The following NRP2 variants were observed in gnomAD, a reference collection of about 807,000 sequenced individuals.
NRP2 encodes the protein neuropilin 2, also known as neuropilin-2.
A neutral mutation model predicts 110.4 loss-of-function variants in NRP2; 52 were observed. The observed-to-expected ratio is 0.47, with a 90% CI of 0.38 to 0.59. The LOEUF is 0.59. Among genes scored for constraint, NRP2 ranks in the 20% least tolerant of loss-of-function variants. The pLI, the probability that NRP2 is intolerant of heterozygous loss-of-function variation, is 0.00. For synonymous variants in NRP2, 508 were observed against 468.9 expected, an observed-to-expected ratio of 1.08 and a Z score of -1.08; for missense variants, 1,049 against 1,203.0, an observed-to-expected ratio of 0.87 and a Z score of 1.89.
intron 8 of NRP2, 81 bp downstream of exon 8, chr2:205,740,744 G>T: frequency 8.5e-6 from 13 of 1,525,208 alleles, no homozygotes; most frequent in South Asian, 1.2e-5. Flanking sequence ...CAAACAGCAT[G>T]ACTGCACCAC....
At chr2:205,770,836 G>C (rs2058010602) in intron 15 of NRP2, among the ~76,000 whole-genome samples, 1 of 152,166 alleles carries the variant, frequency 6.6e-6, no homozygotes. Flanking sequence ...ATGGAGATCA[G>C]ATGTGTGAAG....
intron 7 of NRP2, among the ~76,000 whole-genome samples, chr2:205,732,873 CT>C (rs1030895717): frequency 6.6e-6 from 1 of 151,502 alleles, no homozygotes; most frequent in Non-Finnish European, 1.5e-5. Flanking sequence ...CAGGAAAAAC[CT>C]TTTTTTTAAA....
chr2:205,683,432 G>A (rs2056060528), intron 1 of NRP2, 69 bp downstream of exon 1: 2 of 1,120,960 alleles, frequency 1.8e-6, no homozygotes, highest in Non-Finnish European at 1.4e-6. Flanking sequence ...GCTAAAGCAG[G>A]AAGGCCACGC....
At chr2:205,734,388 C>T (rs1044896355) in intron 7 of NRP2, among the ~76,000 whole-genome samples, 1 of 142,760 alleles carries the variant, frequency 7.0e-6, no homozygotes, top group Non-Finnish European at 1.5e-5. Context: ...GCCTTCATAT[C>T]ATTTCCCACC....
In NRP2 at chr2:205,682,748, G is replaced by C. The variant is rs2056042725; in HGVS notation, c.-543G>C. 1 of 158,476 alleles carries C rather than the reference G, an allele frequency of 6.3e-6. No homozygotes were observed. Among genetic ancestry groups the C allele is most frequent in the South Asian group, 1.6e-4 (1 of 6,142 alleles). The allele number at this position is 158,476 out of a possible 1,614,324, so 9.8% of individuals were successfully genotyped here. A position where few individuals can be genotyped will look rare whatever the true frequency, so the allele number is the denominator to read the frequency against. On this transcript the variant is annotated 5_prime_UTR_variant, in exon 1 of 17. Coordinates refer to ENST00000357785, the MANE Select transcript of NRP2 (RefSeq NM_003872.3). The surrounding 1 kb of genome is among the most constrained non-coding windows in gnomAD (Gnocchi z 4.3). ...AGCCGTTGGGGGAGGCTCCCGCCGG[G>C]GGAACCCGGCGAGGACAAGAGCAGG... is the stretch of plus-strand genomic sequence containing the variant.
chr2:205,712,836 A>C (rs1269679586), intron 2 of NRP2, among the ~76,000 whole-genome samples: 1 of 152,192 alleles, frequency 6.6e-6, no homozygotes, highest in Non-Finnish European at 1.5e-5. Flanking sequence ...CCCCTCAAGC[A>C]AACCTTATAG....
At chr2:205,756,779 T>C (rs1028006300) in intron 12 of NRP2, 2 of 152,206 alleles carry the variant, frequency 1.3e-5, no homozygotes, top group Non-Finnish European at 2.9e-5. Context: ...GTGGGATCCC[T>C]TGATGGAGTG....
chr2:205,687,237 T>C (rs747256543), intron 1 of NRP2, among the ~76,000 whole-genome samples: 16 of 152,152 alleles, frequency 1.1e-4, no homozygotes, highest in Admixed American at 6.5e-5. Context: ...AGACAAATCC[T>C]GAAAGAGAAG....
intron 15 of NRP2, chr2:205,776,570 C>T: frequency 6.2e-7 from 1 of 1,600,066 alleles, no homozygotes. Flanking sequence ...AGAAAGACTG[C>T]AAACATGTTG....
rs777614760 is a variant in NRP2, at chr2:205,716,394, G to A, written c.433+20G>A. 4.8e-5 allele frequency: 78 copies of A among 1,612,700 alleles called. No homozygotes were observed. In the Admixed American group the frequency reaches 1.2e-3, roughly 25 times the overall value. ...AGACAGGTCAGTGTGGTCACACGTA[G>A]GGGCCGGGAGATGGGCGTCTTAGAG... is the stretch of plus-strand genomic sequence containing the variant. On this transcript the variant is annotated intron_variant, in intron 3 of 16. Transcript: ENST00000357785.
At chr2:205,711,996 T>C (rs2105781547) in intron 2 of NRP2, among the ~76,000 whole-genome samples, 1 of 152,292 alleles carries the variant, frequency 6.6e-6, no homozygotes, top group Admixed American at 6.5e-5. Context: ...TTGTTGCTTT[T>C]TCATATCTCT....
chr2:205,700,687 T>C (rs1352147584), intron 2 of NRP2: 2 of 518,716 alleles, frequency 3.9e-6, no homozygotes, highest in East Asian at 1.1e-4. Context: ...CCGTTGCTTA[T>C]TAACTTTGTT....
chr2:205,776,177 TTTAAA>T, intron 15 of NRP2: 1 of 1,460,092 alleles, frequency 6.8e-7, no homozygotes, highest in Non-Finnish European at 9.5e-7. Flanking sequence ...TCTTTCTTTT[TTTAAA>T]TTAGTCTTTT....
intron 8 of NRP2, 102 bp downstream of exon 8, chr2:205,740,765 C>A: frequency 7.3e-7 from 1 of 1,373,738 alleles, no homozygotes; most frequent in Non-Finnish European, 1.0e-6. Context: ...ATGACCTTCC[C>A]AGAAAGACTG....
chr2:205,793,003 T>C (rs920309609), intron 16 of NRP2, among the ~76,000 whole-genome samples: 8 of 152,158 alleles, frequency 5.3e-5, no homozygotes, highest in Admixed American at 1.3e-4. Context: ...ATTGATGAAT[T>C]TAAGAGGAAC....
chr2:205,766,302 C>T (rs945596159), intron 14 of NRP2, among the ~76,000 whole-genome samples: 1 of 152,148 alleles, frequency 6.6e-6, no homozygotes, highest in Non-Finnish European at 1.5e-5. Context: ...AGAAAGGAAC[C>T]CTGAGAAGGC....
In NRP2 at chr2:205,763,026, C is replaced by A. The variant is rs1289400403; in HGVS notation, c.2045-648C>A. ...TGTCTCAGAAAGGCCAAGTTCAAGC[C>A]TCCCTGAATCATCCCTTTCAGCTCC... On this transcript the variant is annotated intron_variant, in intron 12 of 16. Coordinates refer to ENST00000357785, the MANE Select transcript of NRP2 (RefSeq NM_003872.3). This position sits in a 1 kb window ranked among gnomAD's most constrained non-coding sequence, Gnocchi z 4.0. 6.6e-6 allele frequency among the ~76,000 whole-genome samples: 1 copy of A among 152,214 alleles called. No individual in the cohort carries two copies. The highest frequency in any genetic ancestry group is 1.5e-5 in the Non-Finnish European group (1 of 68,042).
intron 2 of NRP2, among the ~76,000 whole-genome samples, chr2:205,712,668 C>CG (rs2056820923): frequency 6.6e-6 from 1 of 152,088 alleles, no homozygotes; most frequent in African/African-American, 2.4e-5. Flanking sequence ...GTAAATGAGA[C>CG]ATTCTGTATG....
intron 2 of NRP2, among the ~76,000 whole-genome samples, chr2:205,703,685 C>G (rs530185619): frequency 6.6e-6 from 1 of 152,268 alleles, no homozygotes; most frequent in African/African-American, 2.4e-5. Context: ...GACGCCTATA[C>G]GAATTCTAAA....
Sources: gnomAD v4.1 joint callset for allele counts (sites outside exome capture counted in the v4.1 genomes callset) on GRCh38, gnomAD v4.1.1 for gene constraint, Gnocchi (gnomAD v3.1) non-coding constraint, MANE v1.5 for transcripts, NCBI Gene and HGNC (gene_info 2026-07-23, HGNC 2026-07-21) for gene names.